The following ZNF578 variants were observed in gnomAD, a reference collection of about 807,000 sequenced individuals.
ZNF578 encodes Putative chemokine-related protein B42.
A neutral mutation model predicts 8.3 loss-of-function variants in ZNF578; 8 were observed. That is an observed-to-expected ratio of 0.96 (90% CI 0.56 to 1.74). ZNF578 has a LOEUF of 1.74. Ranked by LOEUF, ZNF578 falls within the 40% of genes most tolerant of loss-of-function variation. The probability of loss-of-function intolerance (pLI) is 0.00; values close to 1 mark genes in which losing one functional copy is unlikely to be tolerated. For missense variants in ZNF578, 726 were observed against 707.5 expected, an observed-to-expected ratio of 1.03 and a Z score of -0.30; for synonymous variants, 206 against 232.2, an observed-to-expected ratio of 0.89 and a Z score of 1.03.
intron 2 of ZNF578, among the ~76,000 whole-genome samples, chr19:52,481,659 T>C (rs2059326810): frequency 1.3e-5 from 2 of 152,194 alleles, no homozygotes; most frequent in Non-Finnish European, 2.9e-5. Context: ...CTCTTCCCTT[T>C]TCCCAGAGTC....
intron 2 of ZNF578, among the ~76,000 whole-genome samples, chr19:52,485,277 G>C (rs186628858): frequency 6.6e-6 from 1 of 152,196 alleles, no homozygotes; most frequent in Non-Finnish European, 1.5e-5. Flanking sequence ...GAGCCAGAAC[G>C]TGGGGCTGTG....
intron 5 of ZNF578, among the ~76,000 whole-genome samples, chr19:52,508,661 G>T (rs565120168): frequency 1.3e-5 from 2 of 151,846 alleles, no homozygotes; most frequent in South Asian, 2.1e-4. Flanking sequence ...CGAGTGTGGT[G>T]GTGAATGCCT....
At position 52,509,245 on chromosome 19, in the gene ZNF578, A is replaced by G. The variant is rs113515217; in HGVS notation, c.191-1327A>G. Among the ~76,000 whole-genome samples, 449 of 151,590 alleles carry G rather than the reference A, an allele frequency of 3.0e-3. 2 individuals carry two copies. The highest frequency in any genetic ancestry group is 9.6e-3 in the African/African-American group (396 of 41,290). ...CCTTATAATGCTGTGTATTTTCTTG[A>G]CCTCATACATCAGAAGGTAGTGATC... On this transcript the variant is annotated intron_variant, in intron 5 of 5. Transcript: ENST00000421239.
intron 2 of ZNF578, among the ~76,000 whole-genome samples, chr19:52,461,123 A>T (rs369649826): frequency 5.3e-5 from 8 of 152,336 alleles, no homozygotes; most frequent in Middle Eastern, 3.4e-3. Flanking sequence ...GGAGAGTGAA[A>T]TGCGCCTGAG....
intron 2 of ZNF578, among the ~76,000 whole-genome samples, chr19:52,476,026 A>G (rs1164778302): frequency 6.6e-6 from 1 of 152,166 alleles, no homozygotes; most frequent in Non-Finnish European, 1.5e-5. Flanking sequence ...TTCCATTGAT[A>G]GCGAGAAACA....
intron 5 of ZNF578, among the ~76,000 whole-genome samples, chr19:52,509,693 G>C (rs1293042227): frequency 2.0e-5 from 3 of 152,066 alleles, no homozygotes; most frequent in African/African-American, 2.4e-5. Context: ...CTTCAACCCA[G>C]CAGGCAGAGG....
intron 2 of ZNF578, among the ~76,000 whole-genome samples, chr19:52,461,146 T>C (rs1363255628): frequency 2.6e-5 from 4 of 152,232 alleles, no homozygotes; most frequent in Non-Finnish European, 5.9e-5. Flanking sequence ...GCTTCAAAAA[T>C]GTGTTCCTTT....
At chr19:52,501,466 C>T (rs1054940763) in intron 3 of ZNF578, among the ~76,000 whole-genome samples, 1 of 152,196 alleles carries the variant, frequency 6.6e-6, no homozygotes, top group Non-Finnish European at 1.5e-5. Flanking sequence ...GCTCTGAGTC[C>T]TGCATTTCTG....
intron 2 of ZNF578, among the ~76,000 whole-genome samples, chr19:52,487,556 C>G (rs1420837516): frequency 2.6e-5 from 4 of 152,148 alleles, no homozygotes; most frequent in Non-Finnish European, 5.9e-5. Flanking sequence ...TCACTGTCTT[C>G]CCTTTTCCTA....
rs56060517 is a variant in ZNF578, at chr19:52,493,586, T to C, written c.-20+2161T>C. On this transcript the variant is annotated intron_variant, in intron 3 of 5. Transcript: ENST00000421239. ...GTGCTAGAGAGTGGGGACAGGGGGG[T>C]ATAACAGGGAAGAGAGAATTTAACA... Among the ~76,000 whole-genome samples the C allele has an allele frequency of 2.7e-3, 404 of 148,314 alleles. 1 individual carries two copies. Among genetic ancestry groups the C allele is most frequent in the Middle Eastern group, 0.014 (4 of 290 alleles).
intron 3 of ZNF578, among the ~76,000 whole-genome samples, chr19:52,498,238 C>A (rs2059393738): frequency 6.6e-6 from 1 of 151,538 alleles, no homozygotes; most frequent in African/African-American, 2.4e-5. Flanking sequence ...CTCTCTGCAA[C>A]CTCCACCTCT....
Position 52,504,514 on chromosome 19 carries a change from A to T in ZNF578, c.64-141A>T, listed in dbSNP as rs538147182. On this transcript the variant is annotated intron_variant, in intron 4 of 5. Coordinates refer to ENST00000421239, the MANE Select transcript of ZNF578 (RefSeq NM_001099694.2). ...AATAAAATGCAACTATTGAGAAAAA[A>T]AATTCAAAAATACCTTAACGTGGTT... is the stretch of plus-strand genomic sequence containing the variant. The T allele has an allele frequency of 6.7e-5, 102 of 1,512,316 alleles. 1 individual carries two copies. In the African/African-American group the frequency reaches 1.3e-3, roughly 19 times the overall value. The allele number at this position is 1,512,316 out of a possible 1,614,324, so 93.7% of individuals were successfully genotyped here. A position where few individuals can be genotyped will look rare whatever the true frequency, so the allele number is the denominator to read the frequency against.
At chr19:52,508,506 G>T (rs1435608188) in intron 5 of ZNF578, among the ~76,000 whole-genome samples, 1 of 151,580 alleles carries the variant, frequency 6.6e-6, no homozygotes, top group Non-Finnish European at 1.5e-5. Context: ...TCCACTATCA[G>T]ATGATAGTGG....
At chr19:52,482,690 G>C (rs1215330953) in intron 2 of ZNF578, among the ~76,000 whole-genome samples, 1 of 152,106 alleles carries the variant, frequency 6.6e-6, no homozygotes, top group South Asian at 2.1e-4. Context: ...GCTCATGCCT[G>C]TAATCCCAGC....
intron 2 of ZNF578, among the ~76,000 whole-genome samples, chr19:52,476,959 A>G (rs2059310082): frequency 6.6e-6 from 1 of 152,156 alleles, no homozygotes; most frequent in African/African-American, 2.4e-5. Flanking sequence ...TTGTTCCCTC[A>G]TTTCTCTTTT....
At chr19:52,459,612 T>TACACACAC (rs71180468) in intron 2 of ZNF578, among the ~76,000 whole-genome samples, 272 of 118,736 alleles carry the variant, frequency 2.3e-3, no homozygotes, top group African/African-American at 8.6e-3. Flanking sequence ...AATGTGTATG[T>TACACACAC]ACACACACAC....
intron 3 of ZNF578, among the ~76,000 whole-genome samples, chr19:52,501,338 A>G (rs570563477): frequency 1.3e-5 from 2 of 152,304 alleles, no homozygotes; most frequent in South Asian, 4.1e-4. Context: ...GCATTTTGCA[A>G]ATAGAGCTTT....
At chr19:52,483,710 T>C (rs2122851905) in intron 2 of ZNF578, among the ~76,000 whole-genome samples, 1 of 152,354 alleles carries the variant, frequency 6.6e-6, no homozygotes, top group Non-Finnish European at 1.5e-5. Context: ...ACTAGGTAAC[T>C]AAGGGCAATG....
At chr19:52,469,995 A>T (rs1004744675) in intron 2 of ZNF578, among the ~76,000 whole-genome samples, 1 of 152,190 alleles carries the variant, frequency 6.6e-6, no homozygotes, top group Non-Finnish European at 1.5e-5. Flanking sequence ...GATTGGGAGC[A>T]TGTAACTTGA....
Sources: gnomAD v4.1 joint callset for allele counts (sites outside exome capture counted in the v4.1 genomes callset) on GRCh38, gnomAD v4.1.1 for gene constraint, MANE v1.5 for transcripts, NCBI Gene and HGNC (gene_info 2026-07-23, HGNC 2026-07-21) for gene names.